Variants in CSMD3 observed in about 807,000 individuals in gnomAD.
CSMD3 encodes CUB and sushi domain-containing protein 3.
A neutral mutation model predicts 435.2 loss-of-function variants in CSMD3; 177 were observed. The observed-to-expected ratio is 0.41, with a 90% CI of 0.36 to 0.46. The LOEUF (loss-of-function observed/expected upper bound fraction) is 0.46, where lower values mean the gene tolerates loss of function less well. Ranked by LOEUF, CSMD3 falls within the 20% of genes least tolerant of loss-of-function variation. CSMD3 has a pLI of 0.34. For missense variants in CSMD3, 4,265 were observed against 4,504.6 expected (o/e 0.95, Z 1.52); for synonymous variants, 1,656 against 1,520.5 (o/e 1.09, Z -2.07).
At chr8:112,917,942 T>C (rs1029831846) in intron 10 of CSMD3, among the ~76,000 whole-genome samples, 3 of 151,994 alleles carry the variant, frequency 2.0e-5, no homozygotes, top group South Asian at 2.1e-4. Context: ...TCTGCCTATA[T>C]CCACAATAAT....
rs1815847554 is a variant in CSMD3 at position 112,256,807 on chromosome 8, A to G, written c.9863-1380T>C. 2.0e-5 allele frequency among the ~76,000 whole-genome samples: 3 copies of G among 152,188 alleles called. No homozygotes were observed. The South Asian group carries it at 6.2e-4, about 32-fold the overall frequency. On this transcript the variant is annotated intron_variant, in intron 61 of 70. Transcript: ENST00000297405. ...CAGCAACAACAAAATGGTTTTAAGT[A>G]TAAATGTTGCCTTAGGAGGATTATA...
intron 3 of CSMD3, among the ~76,000 whole-genome samples, chr8:113,215,824 A>G (rs966862905): frequency 2.6e-5 from 4 of 151,724 alleles, no homozygotes; most frequent in African/African-American, 9.7e-5. Context: ...AGGACACTCT[A>G]TACCTTTTTC....
intron 30 of CSMD3, among the ~76,000 whole-genome samples, chr8:112,496,464 C>T (rs1038568184): frequency 2.0e-5 from 3 of 151,982 alleles, no homozygotes; most frequent in African/African-American, 7.2e-5. Context: ...AGTATATATC[C>T]AAAAGAAAGA....
intron 27 of CSMD3, among the ~76,000 whole-genome samples, chr8:112,536,091 G>C (rs200586680): frequency 1.1e-4 from 16 of 152,164 alleles, no homozygotes; most frequent in South Asian, 1.0e-3. Context: ...TTAGGCATTA[G>C]CATTCAGGAC....
At chr8:112,845,960 G>A (rs2080305961) in intron 11 of CSMD3, among the ~76,000 whole-genome samples, 2 of 152,038 alleles carry the variant, frequency 1.3e-5, no homozygotes, top group Middle Eastern at 3.4e-3. Flanking sequence ...GGAAACGTAG[G>A]GGGAAATTCA....
chr8:112,416,715 G>T (rs1811949791), intron 32 of CSMD3, among the ~76,000 whole-genome samples: 1 of 151,966 alleles, frequency 6.6e-6, no homozygotes, highest in South Asian at 2.1e-4. Flanking sequence ...AATGAAAATT[G>T]AATTTATGTA....
intron 9 of CSMD3, among the ~76,000 whole-genome samples, chr8:112,933,350 T>C (rs1391816602): frequency 2.0e-5 from 3 of 152,192 alleles, no homozygotes; most frequent in Admixed American, 6.5e-5. Flanking sequence ...CAGTTTGTAA[T>C]ATGAGCTGGT....
At chr8:113,353,410 G>C (rs774672890) in intron 1 of CSMD3, among the ~76,000 whole-genome samples, 8 of 152,150 alleles carry the variant, frequency 5.3e-5, no homozygotes, top group Non-Finnish European at 1.2e-4. Context: ...AGACCAATTT[G>C]CAGTTGAGCT....
At chr8:112,716,371 G>A (rs112381511) in intron 13 of CSMD3, among the ~76,000 whole-genome samples, 2,910 of 152,162 alleles carry the variant, frequency 0.019, 52 homozygotes, top group Middle Eastern at 0.048. Context: ...TAACAGAAAC[G>A]TGAAGGACTT....
chr8:112,783,591 A>G (rs1465067380), intron 13 of CSMD3, among the ~76,000 whole-genome samples: 1 of 152,056 alleles, frequency 6.6e-6, no homozygotes, highest in East Asian at 1.9e-4. Context: ...ATTCTTACTT[A>G]TCAATAATAA....
chr8:112,591,419 A>G (rs909774383), intron 22 of CSMD3, among the ~76,000 whole-genome samples: 3 of 152,122 alleles, frequency 2.0e-5, no homozygotes, highest in Non-Finnish European at 2.9e-5. Flanking sequence ...CATTACTGGG[A>G]TAAGAAAATC....
At chr8:112,292,049 ACTT>A (rs1022671244) in intron 55 of CSMD3, among the ~76,000 whole-genome samples, 2 of 152,096 alleles carry the variant, frequency 1.3e-5, no homozygotes, top group Non-Finnish European at 1.5e-5. Flanking sequence ...TATGAAATAT[ACTT>A]CTTTGCAAAC....
chr8:113,065,581 G>A (rs1001118676), intron 5 of CSMD3, among the ~76,000 whole-genome samples: 2 of 152,004 alleles, frequency 1.3e-5, no homozygotes, highest in African/African-American at 2.4e-5. Flanking sequence ...GTAGAGACAG[G>A]GTTTCACCAT....
intron 27 of CSMD3, among the ~76,000 whole-genome samples, chr8:112,539,724 T>G (rs1826482398): frequency 6.6e-6 from 1 of 152,098 alleles, no homozygotes; most frequent in African/African-American, 2.4e-5. Flanking sequence ...ACTAGACCCC[T>G]ATCTCTCACC....
chr8:112,284,845 C>T (rs1819017594), intron 58 of CSMD3, among the ~76,000 whole-genome samples: 1 of 151,830 alleles, frequency 6.6e-6, no homozygotes, highest in African/African-American at 2.4e-5. Context: ...CAAAATATAA[C>T]AATAAAAATC....
chr8:112,632,659 A>G (rs574798469), intron 22 of CSMD3, among the ~76,000 whole-genome samples: 1 of 152,158 alleles, frequency 6.6e-6, no homozygotes, highest in South Asian at 2.1e-4. Context: ...AAGACATGCA[A>G]GTTTTTCCTG....
intron 1 of CSMD3, among the ~76,000 whole-genome samples, chr8:113,360,085 G>A (rs947247647): frequency 6.6e-6 from 1 of 151,988 alleles, no homozygotes; most frequent in Non-Finnish European, 1.5e-5. Context: ...AATTTTCATT[G>A]GTCTTGTTTT....
intron 5 of CSMD3, among the ~76,000 whole-genome samples, chr8:113,094,808 A>T (rs1304490500): frequency 6.6e-6 from 1 of 152,164 alleles, no homozygotes; most frequent in Non-Finnish European, 1.5e-5. Flanking sequence ...GCGGTAGCTC[A>T]TGCCTGTAAT....
chr8:112,740,248 TA>T (rs1260447853), intron 13 of CSMD3, among the ~76,000 whole-genome samples: 1 of 151,874 alleles, frequency 6.6e-6, no homozygotes, highest in Non-Finnish European at 1.5e-5. Context: ...TATTTCTACA[TA>T]TTTTATTTCC....
Sources: gnomAD v4.1 joint callset for allele counts (sites outside exome capture counted in the v4.1 genomes callset) on GRCh38, gnomAD v4.1.1 for gene constraint, MANE v1.5 for transcripts, NCBI Gene and HGNC (gene_info 2026-07-23, HGNC 2026-07-21) for gene names.